The following DNAH10 variants were observed in gnomAD, a reference collection of about 807,000 sequenced individuals.
The protein encoded by DNAH10 is dynein axonemal heavy chain 10, also known as axonemal beta dynein heavy chain 10.
A neutral mutation model predicts 506.6 loss-of-function variants in DNAH10; 348 were observed. That is an observed-to-expected ratio of 0.69 (90% confidence interval 0.63 to 0.75). DNAH10 has a LOEUF of 0.75. DNAH10 is among the 30% of genes least tolerant of loss of function. The pLI is 0.00. For missense variants in DNAH10, 5,179 were observed against 5,787.1 expected, an observed-to-expected ratio of 0.89 and a Z score of 3.41; for synonymous variants, 2,059 against 2,198.6, an observed-to-expected ratio of 0.94 and a Z score of 1.78.
Position 123,813,757 on chromosome 12 carries a change from C to G in DNAH10, c.3625C>G (p.Leu1209Val). The change falls in exon 21 of 79, where the codon CTG becomes GTG. Residue 1209 changes from leucine (L) to valine (V), a missense_variant. This residue lies in a region of DNAH10 where 4,844 missense variants were observed against 5,430.5 expected (regional missense o/e 0.89). Coordinates refer to ENST00000673944, the MANE Select transcript of DNAH10 (RefSeq NM_001372106.1). ...LYNLHEEMEH[L>V]AKNLRKIPNT... ...TTCTTTGTACTTTCTGTTATAGCAC[C>G]TGGCCAAAAACCTTAGGAAGATCCC... is the stretch of plus-strand genomic sequence containing the variant. The G allele has an allele frequency of 6.2e-7, 1 of 1,613,186 alleles. No homozygotes were observed. The highest frequency in any genetic ancestry group is 8.5e-7 in the Non-Finnish European group (1 of 1,179,844).
intron 25 of DNAH10, 66 bp downstream of exon 25, chr12:123,826,964 C>A: frequency 7.0e-7 from 1 of 1,431,052 alleles, no homozygotes. Context: ...AATTGTTTCC[C>A]TCAGTACATT....
chr12:123,877,529 T>C (rs1375555938), intron 47 of DNAH10, among the ~76,000 whole-genome samples: 1 of 152,208 alleles, frequency 6.6e-6, no homozygotes, highest in Non-Finnish European at 1.5e-5. Flanking sequence ...TTGGTCAGGC[T>C]GGTCTTCAAC....
intron 76 of DNAH10, among the ~76,000 whole-genome samples, chr12:123,933,092 T>C (rs1264687041): frequency 1.3e-5 from 2 of 152,240 alleles, no homozygotes. Flanking sequence ...AAAGCATTCA[T>C]TGGAGATGTG....
In DNAH10 at chr12:123,801,401, G is replaced by A. The variant is rs371716816; in HGVS notation, c.2583G>A (p.Ser861=). ...AGGAACTGCTCCGAGTGTTTAGGTCGGGATATAAGAGGTTGAACTGGAACT... is the reference window on the plus strand; with the variant it reads ...AGGAACTGCTCCGAGTGTTTAGGTCAGGATATAAGAGGTTGAACTGGAACT... The part of the protein sequence containing the change: ...HSQELLRVFR[S]GYKRLNWNSL... Residue 861 remains serine (S), a synonymous_variant, in exon 16 of 79, where the codon TCG becomes TCA. Transcript: ENST00000673944. The A allele has an allele frequency of 1.2e-5, 19 of 1,613,974 alleles. No individual in the cohort carries two copies. Among genetic ancestry groups the A allele is most frequent in the Middle Eastern group, 1.6e-4 (1 of 6,084 alleles).
Position 123,813,330 on chromosome 12 carries a change from T to G in DNAH10, c.3311T>G (p.Leu1104Arg), listed in dbSNP as rs920709278. 2.5e-6 allele frequency: 4 copies of G among 1,614,218 alleles called. No homozygotes were observed. In the East Asian group the frequency reaches 8.9e-5, roughly 36 times the overall value. The change falls in exon 20 of 79, where the codon CTT becomes CGT. Residue 1104 changes from leucine to arginine, a missense_variant. Leu to Arg is a moderately radical substitution (Grantham distance 102). Around this residue, in one of 3 missense-constraint regions of DNAH10, gnomAD observed 4,844 missense variants for 5,430.5 expected, o/e 0.89. Coordinates refer to ENST00000673944, the MANE Select transcript of DNAH10 (RefSeq NM_001372106.1). ...AATGTCCACAGGATTCTGATCAATCTTATGAAGTATCTACAAAAATGGAAG... is the reference window on the plus strand; with the variant it reads ...AATGTCCACAGGATTCTGATCAATCGTATGAAGTATCTACAAAAATGGAAG... ...PQNVHRILIN[L>R]MKYLQKWKRY...
intron 34 of DNAH10, 101 bp downstream of exon 34, chr12:123,848,983 C>T: frequency 8.7e-6 from 12 of 1,375,150 alleles, no homozygotes; most frequent in Non-Finnish European, 1.2e-5. Context: ...GTTGACACTC[C>T]AGACCAGGCT....
chr12:123,814,143 T>C (rs1401005192), intron 21 of DNAH10: 5 of 366,870 alleles, frequency 1.4e-5, no homozygotes, highest in Non-Finnish European at 2.4e-5. Flanking sequence ...ACCATTTCCA[T>C]TCTCCCTTTT....
intron 47 of DNAH10, among the ~76,000 whole-genome samples, chr12:123,876,748 GC>G (rs1157151449): frequency 2.6e-5 from 4 of 152,166 alleles, no homozygotes; most frequent in Non-Finnish European, 5.9e-5. Flanking sequence ...GATCACTCGA[GC>G]CCAGCAGTTC....
chr12:123,817,773 G>A (rs541994477), intron 21 of DNAH10, among the ~76,000 whole-genome samples: 7 of 152,208 alleles, frequency 4.6e-5, no homozygotes, highest in South Asian at 2.1e-4. Context: ...GATTGGAGGC[G>A]TTGGGTGATG....
intron 41 of DNAH10, among the ~76,000 whole-genome samples, chr12:123,866,981 A>G (rs1594236607): frequency 1.3e-5 from 2 of 152,328 alleles, no homozygotes; most frequent in South Asian, 4.1e-4. Context: ...ACCAGGACAT[A>G]ATTATGCCAG....
chr12:123,910,171 TC>T (rs1374733305), intron 58 of DNAH10, among the ~76,000 whole-genome samples: 4 of 152,184 alleles, frequency 2.6e-5, no homozygotes, highest in African/African-American at 9.7e-5. Context: ...TGGATGGACT[TC>T]CGTTTATGTG....
intron 16 of DNAH10, among the ~76,000 whole-genome samples, chr12:123,801,733 C>A (rs1958488771): frequency 6.6e-6 from 1 of 152,148 alleles, no homozygotes; most frequent in Non-Finnish European, 1.5e-5. Flanking sequence ...GATTCACATG[C>A]AGTTGTTAAG....
rs932273349 is a variant in DNAH10 at position 123,851,429 on chromosome 12, G to GT, written c.6291+363dup. 2.0e-3 allele frequency among the ~76,000 whole-genome samples: 298 copies of GT among 148,186 alleles called. 3 individuals are homozygous for GT. The highest frequency in any genetic ancestry group is 6.5e-3 in the African/African-American group (263 of 40,582). On this transcript the variant is annotated intron_variant, in intron 35 of 78. Coordinates refer to ENST00000673944, the MANE Select transcript of DNAH10 (RefSeq NM_001372106.1). ...AGCTCCGTGTGGCTCTTTGATTTTT[G>GT]TTTTTTTTTTCTGCTGTGTCTCTCT...
rs1162932464 is a variant in DNAH10 at position 123,762,597 on chromosome 12, G to T, written c.214+47G>T. 6.6e-7 allele frequency: 1 copy of T among 1,508,792 alleles called. No individual in the cohort carries two copies. Among genetic ancestry groups the T allele is most frequent in the Non-Finnish European group, 8.9e-7 (1 of 1,127,918 alleles). 93.5% of individuals were successfully genotyped at this position (1,508,792 alleles called of 1,614,324 possible). A position where few individuals can be genotyped will look rare whatever the true frequency, so the allele number is the denominator to read the frequency against. ...CCTTCCCCGGGCTTCCCTCCTGCCC[G>T]TCCCGGCCTCTCCGGCGGGCGCCGG... On this transcript the variant is annotated intron_variant, in intron 1 of 78. Transcript: ENST00000673944. This position sits in a 1 kb window ranked among gnomAD's most constrained non-coding sequence, Gnocchi z 5.0.
At position 123,935,482 on chromosome 12, in the gene DNAH10, C is replaced by A. The variant is rs766384783; in HGVS notation, c.*1C>A. 1.3e-6 allele frequency: 2 copies of A among 1,577,090 alleles called. No homozygotes were observed. Among genetic ancestry groups the A allele is most frequent in the African/African-American group, 1.3e-5 (1 of 74,420 alleles). ...ATGCCTCACCCTGAATTCTGATTAA[C>A]CTTTGGGTGAAGAAAACTGCTTAAT... On this transcript the variant is annotated 3_prime_UTR_variant, in exon 79 of 79. Coordinates refer to ENST00000673944, the MANE Select transcript of DNAH10 (RefSeq NM_001372106.1).
chr12:123,860,030 TAAA>T (rs547855423), intron 38 of DNAH10, among the ~76,000 whole-genome samples: 3 of 131,156 alleles, frequency 2.3e-5, no homozygotes, highest in African/African-American at 2.8e-5. Flanking sequence ...ACCTTCTCTC[TAAA>T]AAAAAAAAAA....
intron 67 of DNAH10, among the ~76,000 whole-genome samples, chr12:123,924,759 C>T (rs1294719004): frequency 6.6e-6 from 1 of 152,144 alleles, no homozygotes; most frequent in Non-Finnish European, 1.5e-5. Context: ...TCCATGCACC[C>T]ACTCATCCAT....
chr12:123,767,607 T>C lies in DNAH10; in HGVS notation c.216T>C (p.Asp72=). The change falls in exon 2 of 79, where the codon GAT becomes GAC. Residue 72 remains aspartate (D), a splice_region_variant and synonymous_variant. Transcript: ENST00000673944. ...CTTCCCATTTATGTGGCCATAAAGA[T>C]GAGATACCTGTCCTGTCTGAAGAGG... is the stretch of plus-strand genomic sequence containing the variant. ...MVPEEVEVEI[D]EIPVLSEEGE... 3 of 1,600,816 alleles carry C rather than the reference T, an allele frequency of 1.9e-6. No individual in the cohort carries two copies. The highest frequency in any genetic ancestry group is 1.7e-6 in the Non-Finnish European group (2 of 1,169,296).
chr12:123,873,552 C>G lies in DNAH10; in HGVS notation c.7786-6C>G. 6.2e-7 allele frequency: 1 copy of G among 1,604,148 alleles called. No homozygotes were observed. The highest frequency in any genetic ancestry group is 1.1e-5 in the South Asian group (1 of 88,926). On this transcript the variant is annotated splice_polypyrimidine_tract_variant and splice_region_variant and intron_variant, in intron 45 of 78. Transcript: ENST00000673944. ...TGGCTTTTCACATCATCTCTTTCTG[C>G]TTCAGATTGTGTTAATGGTCAACTT...
Sources: gnomAD v4.1 joint callset for allele counts (sites outside exome capture counted in the v4.1 genomes callset) on GRCh38, gnomAD v4.1.1 for gene constraint, gnomAD v4.1.1 regional missense constraint, Gnocchi (gnomAD v3.1) non-coding constraint, MANE v1.5 for transcripts, NCBI Gene and HGNC (gene_info 2026-07-23, HGNC 2026-07-21) for gene names.